NRXN1: variants seen among roughly 807,000 people sequenced by gnomAD.
NRXN1 encodes the protein neurexin-1.
Under a neutral mutation model 150.9 loss-of-function variants are expected in NRXN1, and 39 were observed. The observed-to-expected ratio is 0.26, with a 90% confidence interval of 0.20 to 0.34. NRXN1 has a LOEUF of 0.34. Ranked by LOEUF, NRXN1 falls within the 10% of genes least tolerant of loss-of-function variation. The pLI is 1.00. For missense variants in NRXN1, 1,815 were observed against 1,949.9 expected (o/e 0.93, Z 1.30); for synonymous variants, 924 against 757.0 (o/e 1.22, Z -3.62).
intron 12 of NRXN1, among the ~76,000 whole-genome samples, chr2:50,507,527 A>G (rs2092287194): frequency 6.6e-6 from 1 of 151,952 alleles, no homozygotes. Flanking sequence ...GTGAATCTAT[A>G]TAAACCTATG....
In NRXN1 at chr2:50,317,476, T is replaced by C. The variant is rs557486182; in HGVS notation, c.3365-80506A>G. Among the ~76,000 whole-genome samples, 3 of 151,780 alleles carry C rather than the reference T, an allele frequency of 2.0e-5. No homozygotes were observed. The South Asian group carries it at 6.2e-4, about 32-fold the overall frequency. On this transcript the variant is annotated intron_variant, in intron 17 of 22. Transcript: ENST00000401669. ...GGGCAATGGGATAATATCTCCAAAATATAAGAGACAACAGCTGTTCTATTA... is the reference window on the plus strand; with the variant it reads ...GGGCAATGGGATAATATCTCCAAAACATAAGAGACAACAGCTGTTCTATTA...
intron 5 of NRXN1, among the ~76,000 whole-genome samples, chr2:50,700,650 C>T (rs1693604824): frequency 6.6e-6 from 1 of 151,978 alleles, no homozygotes; most frequent in Admixed American, 6.6e-5. Context: ...TATTTTGTTC[C>T]CACTGCATGT....
At chr2:50,415,955 C>CAA (rs10585013) in intron 17 of NRXN1, among the ~76,000 whole-genome samples, 1,273 of 88,810 alleles carry the variant, frequency 0.014, 38 homozygotes, top group African/African-American at 0.036. Flanking sequence ...CAACAACATA[C>CAA]AAAAAAAAAA....
chr2:50,743,351 G>A (rs1459573372), intron 5 of NRXN1, among the ~76,000 whole-genome samples: 1 of 152,096 alleles, frequency 6.6e-6, no homozygotes, highest in African/African-American at 2.4e-5. Flanking sequence ...ATAAGAAGAT[G>A]TTAATTGAGG....
intron 21 of NRXN1, among the ~76,000 whole-genome samples, chr2:50,007,878 A>G (rs1685027873): frequency 2.6e-5 from 4 of 152,116 alleles, no homozygotes; most frequent in Non-Finnish European, 4.4e-5. Context: ...ATTTCTCCAC[A>G]TCCTCTCCAG....
intron 2 of NRXN1, among the ~76,000 whole-genome samples, chr2:50,978,180 C>T (rs1318549868): frequency 1.4e-5 from 2 of 147,874 alleles, no homozygotes; most frequent in African/African-American, 4.9e-5. Flanking sequence ...AAAGACATTA[C>T]CTGTAAGTCC....
At chr2:50,069,333 T>C (rs1573723376) in intron 19 of NRXN1, among the ~76,000 whole-genome samples, 2 of 152,298 alleles carry the variant, frequency 1.3e-5, no homozygotes, top group Admixed American at 1.3e-4. Context: ...GGGGACTGGA[T>C]GGCTTCTAAG....
At chr2:50,485,854 T>C (rs1164399367) in intron 15 of NRXN1, among the ~76,000 whole-genome samples, 6 of 152,196 alleles carry the variant, frequency 3.9e-5, no homozygotes, top group Admixed American at 6.5e-5. Context: ...TCAGTTGATG[T>C]GCCTTGTCAA....
At chr2:50,797,064 C>T (rs982334623) in intron 5 of NRXN1, among the ~76,000 whole-genome samples, 2 of 152,104 alleles carry the variant, frequency 1.3e-5, no homozygotes, top group African/African-American at 4.8e-5. Context: ...AGTGCAGAGC[C>T]CTCATGACTT....
At position 50,497,592 on chromosome 2, in the gene NRXN1, A is replaced by T. The variant is rs2104920117; in HGVS notation, c.2620T>A (p.Phe874Ile). 6.2e-7 allele frequency: 1 copy of T among 1,613,948 alleles called. No homozygotes were observed. Among genetic ancestry groups the T allele is most frequent in the African/African-American group, 1.3e-5 (1 of 75,054 alleles). Residue 874 changes from phenylalanine (F) to isoleucine (I), a missense_variant, in exon 14 of 23, where the codon TTT becomes ATT. Transcript: ENST00000401669. ...NFIGHLQSLT[F>I]NGMAYIDLCK... ...AGGTCAATGTATGCCATTCCATTAA[A>T]TGTCAAGCTCTGCAGGTGTCCAATG...
At chr2:50,016,411 G>A (rs1686607885) in intron 21 of NRXN1, 1 of 152,094 alleles carries the variant, frequency 6.6e-6, no homozygotes, top group South Asian at 2.1e-4. Flanking sequence ...AAAGCAGTGG[G>A]GCTATGTATT....
intron 5 of NRXN1, among the ~76,000 whole-genome samples, chr2:50,865,441 G>A (rs1676744834): frequency 6.6e-6 from 1 of 151,764 alleles, no homozygotes; most frequent in Non-Finnish European, 1.5e-5. Flanking sequence ...GCTCAAAGAG[G>A]TCATTTTGGA....
chr2:50,819,058 C>A (rs1259645580), intron 5 of NRXN1, among the ~76,000 whole-genome samples: 1 of 152,062 alleles, frequency 6.6e-6, no homozygotes, highest in East Asian at 1.9e-4. Context: ...ACATTGGAAC[C>A]CTTGTGCACT....
At chr2:50,427,161 C>T (rs565170295) in intron 17 of NRXN1, among the ~76,000 whole-genome samples, 14 of 152,064 alleles carry the variant, frequency 9.2e-5, no homozygotes, top group Non-Finnish European at 1.6e-4. Context: ...ATTTTTGTGA[C>T]GATAAAAATA....
At chr2:50,812,325 G>A (rs573611193) in intron 5 of NRXN1, among the ~76,000 whole-genome samples, 4 of 152,166 alleles carry the variant, frequency 2.6e-5, no homozygotes, top group Admixed American at 6.6e-5. Context: ...ATATCTTTGC[G>A]GTTACATATG....
chr2:50,907,769 GCAA>G (rs1683932926), intron 5 of NRXN1, among the ~76,000 whole-genome samples: 1 of 152,052 alleles, frequency 6.6e-6, no homozygotes, highest in East Asian at 1.9e-4. Context: ...CAGATTCTTT[GCAA>G]GTGCTTCTAA....
intron 18 of NRXN1, among the ~76,000 whole-genome samples, chr2:50,147,975 A>G (rs903275103): frequency 2.0e-5 from 3 of 151,698 alleles, no homozygotes; most frequent in Admixed American, 6.6e-5. Flanking sequence ...TGGGGCATCT[A>G]TAAGTTAAAA....
At chr2:50,406,079 T>C (rs1359755412) in intron 17 of NRXN1, among the ~76,000 whole-genome samples, 1 of 152,130 alleles carries the variant, frequency 6.6e-6, no homozygotes, top group East Asian at 1.9e-4. Flanking sequence ...CAGTTTTTCA[T>C]GTTAATTCTC....
intron 17 of NRXN1, among the ~76,000 whole-genome samples, chr2:50,333,967 C>A (rs1273316703): frequency 6.6e-6 from 1 of 151,882 alleles, no homozygotes; most frequent in Non-Finnish European, 1.5e-5. Flanking sequence ...TTTGCAGATG[C>A]AGGACTTTTA....
Sources: allele counts gnomAD v4.1 joint callset (sites outside exome capture counted in the v4.1 genomes callset), GRCh38; gene constraint gnomAD v4.1.1; transcripts MANE v1.5; gene names NCBI Gene and HGNC (gene_info 2026-07-23, HGNC 2026-07-21).